The following ACTR3C variants were observed in gnomAD, a reference collection of about 807,000 sequenced individuals.
ACTR3C encodes the protein actin related protein 3C.
ACTR3C carries 18 observed loss-of-function variants against 26.3 expected under a neutral mutation model. The ratio of observed to expected loss-of-function variants is 0.68; its 90% confidence interval spans 0.47 to 1.01. The LOEUF is 1.01. Among genes scored for constraint, ACTR3C ranks in the 50% least tolerant of loss-of-function variants. The pLI is 0.00. For missense variants in ACTR3C, 184 were observed against 250.7 expected (o/e 0.73, Z 1.80); for synonymous variants, 55 against 94.5 (o/e 0.58, Z 2.42).
At chr7:150,300,284 G>T (rs186742001) in intron 1 of ACTR3C, among the ~76,000 whole-genome samples, 26 of 151,710 alleles carry the variant, frequency 1.7e-4, no homozygotes, top group African/African-American at 5.3e-4. Context: ...CCCGGGAGGC[G>T]GAGGTTGCGG....
the ACTR3C span, among the ~76,000 whole-genome samples, chr7:150,203,069 G>A: frequency 6.6e-6 from 1 of 152,236 alleles, no homozygotes; most frequent in Non-Finnish European, 1.5e-5. Flanking sequence ...AGCAAAAGAA[G>A]TGGAGCCTTA....
the ACTR3C span, among the ~76,000 whole-genome samples, chr7:150,142,293 C>T: frequency 3.3e-5 from 5 of 152,116 alleles, no homozygotes; most frequent in African/African-American, 4.8e-5. Flanking sequence ...GAATAGGATG[C>T]GTGTTAGAAC....
downstream of ACTR3C, among the ~76,000 whole-genome samples, chr7:150,239,446 A>G (rs1832047675): frequency 7.3e-6 from 1 of 137,888 alleles, no homozygotes; most frequent in Non-Finnish European, 1.5e-5. Flanking sequence ...TCTGAAGGCA[A>G]TTTTCCACTC....
At chr7:150,275,078 A>G (rs1834760388) in intron 6 of ACTR3C, among the ~76,000 whole-genome samples, 1 of 152,208 alleles carries the variant, frequency 6.6e-6, no homozygotes, top group Admixed American at 6.5e-5. Context: ...TTCTCAAATC[A>G]CAATCATTTG....
At chr7:149,919,052 G>A in the ACTR3C span, among the ~76,000 whole-genome samples, 1 of 152,194 alleles carries the variant, frequency 6.6e-6, no homozygotes, top group Non-Finnish European at 1.5e-5. Flanking sequence ...TCCGGAATGT[G>A]TAAAGCAAAG....
chr7:150,162,858 G>A, the ACTR3C span, among the ~76,000 whole-genome samples: 117,310 of 152,076 alleles, frequency 0.77, 45,952 homozygotes, highest in African/African-American at 0.89. Context: ...CTAGACATCA[G>A]AAGTACTAGT....
chr7:150,006,902 A>C, the ACTR3C span, among the ~76,000 whole-genome samples: 10 of 152,362 alleles, frequency 6.6e-5, no homozygotes, highest in East Asian at 1.7e-3. Context: ...TCCACATATT[A>C]AACTAAATGC....
chr7:149,886,086 G>T, the ACTR3C span, among the ~76,000 whole-genome samples: 1 of 152,194 alleles, frequency 6.6e-6, no homozygotes, highest in South Asian at 2.1e-4. Flanking sequence ...GTGCTCAACT[G>T]GTCGATAAAT....
chr7:150,314,445 G>A (rs1231339062), intron 1 of ACTR3C, among the ~76,000 whole-genome samples: 1 of 152,084 alleles, frequency 6.6e-6, no homozygotes, highest in African/African-American at 2.4e-5. Flanking sequence ...GTACTGATTG[G>A]CTCAGAAGAA....
the ACTR3C span, among the ~76,000 whole-genome samples, chr7:150,006,595 C>A: frequency 1.1e-3 from 169 of 149,256 alleles, no homozygotes; most frequent in African/African-American, 3.9e-3. Context: ...TGAGTAAAAG[C>A]CAAGGATTGG....
At chr7:149,901,146 T>C in the ACTR3C span, among the ~76,000 whole-genome samples, 5 of 150,938 alleles carry the variant, frequency 3.3e-5, no homozygotes, top group Non-Finnish European at 7.4e-5. Flanking sequence ...ATTATGCAGA[T>C]GATAAAATTA....
chr7:150,235,465 T>G, the ACTR3C span, among the ~76,000 whole-genome samples: 1 of 152,208 alleles, frequency 6.6e-6, no homozygotes, highest in Admixed American at 6.5e-5. Context: ...CCGAAGCATC[T>G]TTGCTATGGC....
At chr7:149,904,622 C>T in the ACTR3C span, among the ~76,000 whole-genome samples, 24,835 of 130,972 alleles carry the variant, frequency 0.19, 3,119 homozygotes, top group Non-Finnish European at 0.25. Context: ...AACACATATA[C>T]CATCTTCAAG....
the ACTR3C span, among the ~76,000 whole-genome samples, chr7:150,097,448 T>A: frequency 6.6e-6 from 1 of 151,642 alleles, no homozygotes; most frequent in Non-Finnish European, 1.5e-5. Flanking sequence ...ACTAGACTGC[T>A]TCGTAAGGAG....
chr7:150,285,278 C>A (rs977725793), intron 5 of ACTR3C, among the ~76,000 whole-genome samples: 1 of 152,092 alleles, frequency 6.6e-6, no homozygotes, highest in Non-Finnish European at 1.5e-5. Flanking sequence ...TTAATTAAAC[C>A]TGGTCTAGAA....
the ACTR3C span, among the ~76,000 whole-genome samples, chr7:150,105,540 C>T: frequency 6.6e-6 from 1 of 151,996 alleles, no homozygotes; most frequent in Non-Finnish European, 1.5e-5. Flanking sequence ...AAGCTCAGAG[C>T]TCAATCTGTG....
the ACTR3C span, among the ~76,000 whole-genome samples, chr7:150,121,766 A>T: frequency 6.6e-6 from 1 of 151,964 alleles, no homozygotes; most frequent in Non-Finnish European, 1.5e-5. Flanking sequence ...AAAAGAGCCC[A>T]TATAGCCAAG....
At chr7:149,921,647 C>G in the ACTR3C span, among the ~76,000 whole-genome samples, 3 of 152,044 alleles carry the variant, frequency 2.0e-5, no homozygotes, top group Non-Finnish European at 2.9e-5. Context: ...GAGGCTGAGG[C>G]AGGCAGATCA....
chr7:150,035,253 C>A, the ACTR3C span, among the ~76,000 whole-genome samples: 717 of 70,698 alleles, frequency 0.01, 112 homozygotes, highest in Admixed American at 0.088. Flanking sequence ...AGTGGGGGAA[C>A]CAGGGGCTGG....
Sources: allele counts gnomAD v4.1 joint callset (sites outside exome capture counted in the v4.1 genomes callset), GRCh38; gene constraint gnomAD v4.1.1; transcripts MANE v1.5; gene names NCBI Gene and HGNC (gene_info 2026-07-23, HGNC 2026-07-21).